The following ITPR2 variants were observed in gnomAD, a reference collection of about 807,000 sequenced individuals.
The protein encoded by ITPR2 is inositol 1,4,5-trisphosphate-gated calcium channel ITPR2.
ITPR2 carries 207 observed loss-of-function variants against 317.1 expected under a neutral mutation model. The observed-to-expected ratio is 0.65, with a 90% CI of 0.58 to 0.73. The LOEUF (loss-of-function observed/expected upper bound fraction) is 0.73. Among genes scored for constraint, ITPR2 ranks in the 30% least tolerant of loss-of-function variants. The pLI is 0.00. For synonymous variants in ITPR2, 1,156 were observed against 1,149.1 expected (o/e 1.01, Z -0.12); for missense variants, 2,613 against 3,284.0 (o/e 0.80, Z 4.99).
intron 32 of ITPR2, among the ~76,000 whole-genome samples, chr12:26,582,675 A>AT (rs1945432397): frequency 6.6e-6 from 1 of 152,148 alleles, no homozygotes; most frequent in South Asian, 2.1e-4. Flanking sequence ...TCACTTTCAG[A>AT]TTTTTTTGGC....
chr12:26,422,049 T>C (rs1225489002), intron 49 of ITPR2, among the ~76,000 whole-genome samples: 1 of 151,384 alleles, frequency 6.6e-6, no homozygotes, highest in Non-Finnish European at 1.5e-5. Flanking sequence ...TCATTACATT[T>C]ACTTAAGTTT....
At chr12:26,715,268 A>G in intron 8 of ITPR2, 31 bp downstream of exon 8, 1 of 1,566,736 alleles carries the variant, frequency 6.4e-7, no homozygotes, top group Non-Finnish European at 8.7e-7. Flanking sequence ...TGATCTAAAT[A>G]TTTATTAAGT....
At chr12:26,506,033 C>T (rs117279297) in intron 37 of ITPR2, among the ~76,000 whole-genome samples, 6,472 of 151,634 alleles carry the variant, frequency 0.043, 199 homozygotes, top group South Asian at 0.13. Context: ...TAGCATAGTA[C>T]TAAAAATACA....
chr12:26,773,507 C>T (rs1025347701), intron 2 of ITPR2, among the ~76,000 whole-genome samples: 15 of 152,178 alleles, frequency 9.9e-5, no homozygotes, highest in Admixed American at 2.0e-4. Flanking sequence ...ACATGCACCA[C>T]GATTGTTCCT....
chr12:26,452,381 C>A (rs1304073324), intron 45 of ITPR2, among the ~76,000 whole-genome samples: 1 of 151,822 alleles, frequency 6.6e-6, no homozygotes, highest in African/African-American at 2.4e-5. Context: ...AACACATTTT[C>A]AAAAAAATGA....
At chr12:26,489,807 A>G (rs764029978) in intron 39 of ITPR2, among the ~76,000 whole-genome samples, 1 of 152,214 alleles carries the variant, frequency 6.6e-6, no homozygotes, top group Non-Finnish European at 1.5e-5. Flanking sequence ...GTATGACAGA[A>G]GCAGGGGTGT....
intron 16 of ITPR2, 71 bp downstream of exon 16, chr12:26,659,042 A>G (rs1209539335): frequency 7.8e-7 from 1 of 1,284,202 alleles, no homozygotes; most frequent in Non-Finnish European, 1.1e-6. Context: ...TCTAACTTTT[A>G]AAAGTTCTAA....
chr12:26,380,406 A>C (rs1462381022), intron 55 of ITPR2, among the ~76,000 whole-genome samples: 2 of 152,248 alleles, frequency 1.3e-5, no homozygotes, highest in Non-Finnish European at 2.9e-5. Flanking sequence ...TAAAAGATCC[A>C]TCTTAAATTA....
At chr12:26,704,387 C>T (rs1009166657) in intron 9 of ITPR2, among the ~76,000 whole-genome samples, 6 of 152,106 alleles carry the variant, frequency 3.9e-5, no homozygotes, top group East Asian at 1.9e-4. Context: ...TTATAAATCA[C>T]GGAAGTGACT....
chr12:26,552,686 T>C (rs1944556352), intron 36 of ITPR2, among the ~76,000 whole-genome samples: 1 of 152,224 alleles, frequency 6.6e-6, no homozygotes, highest in South Asian at 2.1e-4. Flanking sequence ...ACTATTCGAT[T>C]CTTTCTTTCA....
At chr12:26,791,654 G>A (rs1191438965) in intron 1 of ITPR2, among the ~76,000 whole-genome samples, 2 of 152,058 alleles carry the variant, frequency 1.3e-5, no homozygotes, top group Non-Finnish European at 2.9e-5. Flanking sequence ...TTTTACAAGA[G>A]CTGCCAGGCA....
intron 1 of ITPR2, among the ~76,000 whole-genome samples, chr12:26,826,442 T>C (rs1366838878): frequency 6.6e-6 from 1 of 152,102 alleles, no homozygotes; most frequent in Non-Finnish European, 1.5e-5. Context: ...TAAGTCAGAA[T>C]TATAAACTGT....
At chr12:26,413,242 A>G (rs558293317) in intron 51 of ITPR2, among the ~76,000 whole-genome samples, 5 of 152,304 alleles carry the variant, frequency 3.3e-5, no homozygotes, top group Middle Eastern at 3.4e-3. Flanking sequence ...TGCGTTTGCA[A>G]TGGCATTTGC....
At chr12:26,502,079 T>A (rs144530408) in intron 37 of ITPR2, among the ~76,000 whole-genome samples, 3 of 152,360 alleles carry the variant, frequency 2.0e-5, no homozygotes, top group Admixed American at 6.5e-5. Context: ...GATGATTCTA[T>A]ACTCCATAGA....
intron 55 of ITPR2, among the ~76,000 whole-genome samples, chr12:26,377,888 G>A (rs1471478861): frequency 6.6e-6 from 1 of 151,294 alleles, no homozygotes; most frequent in Non-Finnish European, 1.5e-5. Flanking sequence ...ACTTTGCCTG[G>A]AACATATTCC....
intron 10 of ITPR2, among the ~76,000 whole-genome samples, chr12:26,693,483 T>A (rs1592044616): frequency 6.6e-6 from 1 of 152,204 alleles, no homozygotes; most frequent in South Asian, 2.1e-4. Flanking sequence ...AAAAATCTGC[T>A]CAAGTTTCTC....
At chr12:26,354,392 GA>G (rs969663907) in intron 55 of ITPR2, among the ~76,000 whole-genome samples, 193 of 151,114 alleles carry the variant, frequency 1.3e-3, no homozygotes, top group African/African-American at 4.4e-3. Context: ...TGCTCCTTTT[GA>G]AAAAAAAATA....
intron 1 of ITPR2, among the ~76,000 whole-genome samples, chr12:26,821,080 G>A (rs1217647307): frequency 6.6e-6 from 1 of 152,178 alleles, no homozygotes; most frequent in Non-Finnish European, 1.5e-5. Context: ...TCAACATTGT[G>A]AATGTCCTTA....
chr12:26,620,405 C>G (rs1333400055), intron 26 of ITPR2, among the ~76,000 whole-genome samples: 1 of 152,186 alleles, frequency 6.6e-6, no homozygotes, highest in Non-Finnish European at 1.5e-5. Context: ...GTAAACCCAT[C>G]AAAACGGCTT....
Sources: gnomAD v4.1 joint callset for allele counts (sites outside exome capture counted in the v4.1 genomes callset) on GRCh38, gnomAD v4.1.1 for gene constraint, MANE v1.5 for transcripts, NCBI Gene and HGNC (gene_info 2026-07-23, HGNC 2026-07-21) for gene names.